The following CNTN6 variants were observed in gnomAD, a reference collection of about 807,000 sequenced individuals.
The protein encoded by CNTN6 is contactin 6, also known as contactin-6.
A neutral mutation model predicts 122.8 loss-of-function variants in CNTN6; 137 were observed. That is an observed-to-expected ratio of 1.12 (90% CI 0.97 to 1.29). The LOEUF (loss-of-function observed/expected upper bound fraction) is 1.29. Among genes scored for constraint, CNTN6 ranks in the 50% most tolerant of loss-of-function variants. The pLI is 0.00. For missense variants in CNTN6, 1,634 were observed against 1,223.4 expected (o/e 1.34, Z -5.01); for synonymous variants, 570 against 426.0 (o/e 1.34, Z -4.16).
At chr3:1,289,031 G>A (rs1403611634) in intron 5 of CNTN6, among the ~76,000 whole-genome samples, 4 of 152,192 alleles carry the variant, frequency 2.6e-5, no homozygotes, top group African/African-American at 9.6e-5. Flanking sequence ...CAGGGAAAAT[G>A]CATCACAACC....
At chr3:1,333,283 G>C (rs930035517) in intron 11 of CNTN6, among the ~76,000 whole-genome samples, 18 of 151,996 alleles carry the variant, frequency 1.2e-4, no homozygotes, top group Non-Finnish European at 2.2e-4. Flanking sequence ...TTTGAAAGGA[G>C]CACTAGAGAT....
chr3:1,387,585 T>C (rs184909616), intron 20 of CNTN6, among the ~76,000 whole-genome samples: 63 of 152,142 alleles, frequency 4.1e-4, no homozygotes, highest in African/African-American at 1.4e-3. Context: ...GATGGCCGAA[T>C]AGGAACAGCT....
chr3:1,290,484 A>G (rs950054785), intron 5 of CNTN6, among the ~76,000 whole-genome samples: 2 of 152,280 alleles, frequency 1.3e-5, no homozygotes, highest in East Asian at 1.9e-4. Flanking sequence ...AAGAGGATCA[A>G]TTGTAAAGAC....
intron 4 of CNTN6, among the ~76,000 whole-genome samples, chr3:1,249,179 G>T (rs778281405): frequency 3.4e-4 from 51 of 152,226 alleles, no homozygotes; most frequent in Non-Finnish European, 6.5e-4. Flanking sequence ...TCAACACAAG[G>T]TGATAGAAGG....
At chr3:1,120,908 T>G (rs1282669184) in intron 1 of CNTN6, among the ~76,000 whole-genome samples, 1 of 151,338 alleles carries the variant, frequency 6.6e-6, no homozygotes, top group African/African-American at 2.4e-5. Context: ...AAAGCCTTTT[T>G]AAAGCCTCTT....
At chr3:1,299,355 C>G (rs546974767) in intron 7 of CNTN6, among the ~76,000 whole-genome samples, 2 of 151,674 alleles carry the variant, frequency 1.3e-5, no homozygotes, top group South Asian at 4.2e-4. Context: ...TAAAAGAAAA[C>G]CAATGAAAGA....
intron 4 of CNTN6, among the ~76,000 whole-genome samples, chr3:1,270,986 T>C (rs2125754028): frequency 6.6e-6 from 1 of 152,314 alleles, no homozygotes; most frequent in African/African-American, 2.4e-5. Flanking sequence ...CTTGGCTCAC[T>C]GCAACCTCTG....
At position 1,297,959 on chromosome 3, in the gene CNTN6, A is replaced by C; in HGVS notation, c.729A>C (p.Ser243=). Residue 243 remains serine, a synonymous_variant, in exon 7 of 23, where the codon TCA becomes TCC. Transcript: ENST00000446702. The part of the protein sequence containing the change: ...FPETIQAAKD[S]SVKLECFALG... ...AAACTATACAAGCTGCAAAGGATTC[A>C]TCTGTAAAACTGGAATGTTTTGCCC... The C allele has an allele frequency of 1.2e-6, 2 of 1,612,230 alleles. No individual in the cohort carries two copies. Among genetic ancestry groups the C allele is most frequent in the South Asian group, 1.1e-5 (1 of 90,200 alleles).
At chr3:1,101,687 A>G (rs945126129) in intron 1 of CNTN6, among the ~76,000 whole-genome samples, 7 of 152,198 alleles carry the variant, frequency 4.6e-5, no homozygotes, top group Non-Finnish European at 8.8e-5. Context: ...TGTCAATTGT[A>G]TATGTCTTTC....
At chr3:1,108,406 A>G (rs34528320) in intron 1 of CNTN6, among the ~76,000 whole-genome samples, 1 of 152,048 alleles carries the variant, frequency 6.6e-6, no homozygotes, top group East Asian at 1.9e-4. Context: ...GGTATTTTTA[A>G]TAATTTTGAG....
intron 4 of CNTN6, among the ~76,000 whole-genome samples, chr3:1,258,380 CA>C (rs916382041): frequency 2.0e-5 from 3 of 152,004 alleles, no homozygotes; most frequent in African/African-American, 7.2e-5. Context: ...TGAGGTTCTG[CA>C]AAAAGTGTCA....
intron 1 of CNTN6, among the ~76,000 whole-genome samples, chr3:1,097,140 G>A (rs2090572002): frequency 6.6e-6 from 1 of 152,182 alleles, no homozygotes; most frequent in African/African-American, 2.4e-5. Context: ...TTACGGTAAA[G>A]GCGTAACACA....
At chr3:1,163,628 G>A (rs1200837717) in intron 2 of CNTN6, among the ~76,000 whole-genome samples, 1 of 152,146 alleles carries the variant, frequency 6.6e-6, no homozygotes, top group African/African-American at 2.4e-5. Flanking sequence ...ATGCTGCCCA[G>A]GATGATCTGG....
At chr3:1,341,266 C>T (rs1703854729) in intron 11 of CNTN6, among the ~76,000 whole-genome samples, 1 of 151,104 alleles carries the variant, frequency 6.6e-6, no homozygotes, top group Admixed American at 6.6e-5. Context: ...ACTTTCTAGT[C>T]TTTTCTTTTG....
chr3:1,260,175 C>A (rs1575458863), intron 4 of CNTN6, among the ~76,000 whole-genome samples: 1 of 152,178 alleles, frequency 6.6e-6, no homozygotes, highest in South Asian at 2.1e-4. Context: ...AATTGACTCC[C>A]TGATTGCAAG....
At chr3:1,375,264 AC>A (rs1709695237) in intron 16 of CNTN6, among the ~76,000 whole-genome samples, 1 of 151,820 alleles carries the variant, frequency 6.6e-6, no homozygotes, top group Non-Finnish European at 1.5e-5. Flanking sequence ...GTTGACAGAA[AC>A]TCTTACATTT....
At chr3:1,260,263 G>A (rs903355065) in intron 4 of CNTN6, among the ~76,000 whole-genome samples, 10 of 152,092 alleles carry the variant, frequency 6.6e-5, no homozygotes, top group Non-Finnish European at 1.3e-4. Flanking sequence ...TTGTTTTCGG[G>A]AGTCAATTGC....
At chr3:1,276,406 G>T (rs1575520585) in intron 4 of CNTN6, among the ~76,000 whole-genome samples, 1 of 152,116 alleles carries the variant, frequency 6.6e-6, no homozygotes, top group South Asian at 2.1e-4. Context: ...CATGTTCCAG[G>T]TATGATTCAA....
At chr3:1,157,867 G>A (rs2093011563) in intron 2 of CNTN6, among the ~76,000 whole-genome samples, 4 of 152,122 alleles carry the variant, frequency 2.6e-5, no homozygotes, top group South Asian at 4.1e-4. Context: ...TTTTGCATAC[G>A]CACCACATTT....
Sources: gnomAD v4.1 joint callset for allele counts (sites outside exome capture counted in the v4.1 genomes callset) on GRCh38, gnomAD v4.1.1 for gene constraint, MANE v1.5 for transcripts, NCBI Gene and HGNC (gene_info 2026-07-23, HGNC 2026-07-21) for gene names.